Variants in SLC9A9 observed in about 807,000 individuals in gnomAD.
SLC9A9 encodes the protein sodium/hydrogen exchanger 9.
A neutral mutation model predicts 77.8 loss-of-function variants in SLC9A9; 62 were observed. That is an observed-to-expected ratio of 0.80 (90% CI 0.65 to 0.98). The LOEUF (loss-of-function observed/expected upper bound fraction) is 0.98. Among genes scored for constraint, SLC9A9 ranks in the 50% least tolerant of loss-of-function variants. The probability of loss-of-function intolerance (pLI) is 0.00; values close to 1 mark genes in which losing one functional copy is unlikely to be tolerated. For missense variants in SLC9A9, 775 were observed against 774.9 expected (o/e 1.00, Z 0.00); for synonymous variants, 320 against 283.5 (o/e 1.13, Z -1.29).
intron 12 of SLC9A9, among the ~76,000 whole-genome samples, chr3:143,449,629 A>T (rs184764513): frequency 4.7e-5 from 1 of 21,174 alleles, no homozygotes; most frequent in Non-Finnish European, 8.0e-5. Context: ...ATAATTATAT[A>T]AAATATAATT....
intron 1 of SLC9A9, among the ~76,000 whole-genome samples, chr3:143,834,105 A>T (rs2108891003): frequency 6.6e-6 from 1 of 152,328 alleles, no homozygotes; most frequent in East Asian, 1.9e-4. Context: ...ATGAGAATGC[A>T]AGCAGATTTC....
intron 13 of SLC9A9, among the ~76,000 whole-genome samples, chr3:143,380,113 C>T (rs1054997472): frequency 6.6e-6 from 1 of 152,130 alleles, no homozygotes; most frequent in Non-Finnish European, 1.5e-5. Flanking sequence ...GGTGTAAACA[C>T]CTTGCCCAAG....
rs146931759 is a variant in SLC9A9 at position 143,769,425 on chromosome 3, G to A, written c.533+25576C>T. ...AAACAAGCCCATATTGAATTCAATCGCATAACCAGTCCAGTCTATTTAATG... is the reference window on the plus strand; with the variant it reads ...AAACAAGCCCATATTGAATTCAATCACATAACCAGTCCAGTCTATTTAATG... On this transcript the variant is annotated intron_variant, in intron 4 of 15. Transcript: ENST00000316549. Among the ~76,000 whole-genome samples, 739 of 152,120 alleles carry A rather than the reference G, an allele frequency of 4.9e-3. 3 individuals are homozygous for A. The highest frequency in any genetic ancestry group is 7.5e-3 in the Non-Finnish European group (508 of 67,988).
chr3:143,342,849 T>C (rs1427791713), intron 14 of SLC9A9, among the ~76,000 whole-genome samples: 1 of 152,236 alleles, frequency 6.6e-6, no homozygotes, highest in Non-Finnish European at 1.5e-5. Context: ...CATGCAAATA[T>C]ACACGCGCCA....
chr3:143,729,827 A>G (rs1934755823), intron 4 of SLC9A9, among the ~76,000 whole-genome samples: 1 of 152,036 alleles, frequency 6.6e-6, no homozygotes, highest in Non-Finnish European at 1.5e-5. Context: ...CTTTACTGTT[A>G]CTCGTCTTCC....
chr3:143,324,752 G>C (rs1024513682), intron 14 of SLC9A9, among the ~76,000 whole-genome samples: 1 of 152,148 alleles, frequency 6.6e-6, no homozygotes, highest in Non-Finnish European at 1.5e-5. Flanking sequence ...AGCCCAGGAA[G>C]ACAAGGTTGC....
intron 5 of SLC9A9, among the ~76,000 whole-genome samples, chr3:143,690,419 G>A (rs1933425151): frequency 1.3e-5 from 2 of 152,026 alleles, no homozygotes; most frequent in Admixed American, 1.3e-4. Flanking sequence ...CCCAGATTAT[G>A]GTCTCTAACT....
intron 13 of SLC9A9, among the ~76,000 whole-genome samples, chr3:143,374,496 G>A (rs1160241357): frequency 6.7e-6 from 1 of 148,242 alleles, no homozygotes; most frequent in African/African-American, 2.5e-5. Flanking sequence ...TCAAAGCATT[G>A]ACTTTCAAAG....
intron 9 of SLC9A9, among the ~76,000 whole-genome samples, chr3:143,549,727 T>C (rs1284915375): frequency 1.3e-5 from 2 of 152,320 alleles, no homozygotes; most frequent in Non-Finnish European, 2.9e-5. Context: ...GCTGCTGTCA[T>C]GCCATGAGAT....
At chr3:143,395,369 T>A (rs1225355162) in intron 12 of SLC9A9, among the ~76,000 whole-genome samples, 3 of 152,304 alleles carry the variant, frequency 2.0e-5, no homozygotes, top group Admixed American at 6.5e-5. Context: ...ATTTAATAAA[T>A]GGTGCTGGGA....
At chr3:143,267,100 T>C (rs1395495108) in intron 15 of SLC9A9, among the ~76,000 whole-genome samples, 171 bp from the exon 16 acceptor site, 6 of 151,976 alleles carry the variant, frequency 3.9e-5, no homozygotes, top group Non-Finnish European at 5.9e-5. Flanking sequence ...TTTCCCTGAG[T>C]CAGCATTGAA....
intron 4 of SLC9A9, among the ~76,000 whole-genome samples, chr3:143,704,973 G>T (rs79770531): frequency 0.22 from 30,236 of 139,986 alleles, 3,414 homozygotes; most frequent in African/African-American, 0.28. Context: ...GCCTGGGCAA[G>T]AAGAGTGAAA....
intron 4 of SLC9A9, among the ~76,000 whole-genome samples, chr3:143,758,357 T>A (rs2006998944): frequency 6.6e-6 from 1 of 152,204 alleles, no homozygotes; most frequent in Non-Finnish European, 1.5e-5. Flanking sequence ...TCACATGTTA[T>A]AATATTCTTA....
At chr3:143,798,266 TCA>T (rs1450165790) in intron 2 of SLC9A9, among the ~76,000 whole-genome samples, 1 of 152,184 alleles carries the variant, frequency 6.6e-6, no homozygotes, top group Non-Finnish European at 1.5e-5. Flanking sequence ...CCGGCGCCAG[TCA>T]CAGACTCGGG....
intron 6 of SLC9A9, among the ~76,000 whole-genome samples, chr3:143,625,068 G>A (rs985881267): frequency 8.5e-5 from 13 of 152,150 alleles, no homozygotes; most frequent in African/African-American, 2.9e-4. Flanking sequence ...GGATGTGAAG[G>A]ACCTCTTCAA....
chr3:143,634,232 C>G (rs2038476448), intron 6 of SLC9A9, among the ~76,000 whole-genome samples: 1 of 151,870 alleles, frequency 6.6e-6, no homozygotes, highest in Non-Finnish European at 1.5e-5. Context: ...TCTAGTGGGT[C>G]CTTTATGTCT....
chr3:143,449,852 T>C (rs1419119350), intron 12 of SLC9A9, among the ~76,000 whole-genome samples: 1 of 62,544 alleles, frequency 1.6e-5, no homozygotes, highest in East Asian at 5.1e-4. Context: ...TATATATATA[T>C]AATTATATAT....
intron 6 of SLC9A9, among the ~76,000 whole-genome samples, chr3:143,601,673 T>G (rs2037846969): frequency 6.6e-6 from 1 of 152,254 alleles, no homozygotes; most frequent in Admixed American, 6.5e-5. Context: ...AACTCAGCGC[T>G]GCAGATTTCA....
At chr3:143,735,224 A>C (rs1420687497) in intron 4 of SLC9A9, among the ~76,000 whole-genome samples, 1 of 152,254 alleles carries the variant, frequency 6.6e-6, no homozygotes. Context: ...TACCTAAATG[A>C]AAATCTTGCT....
Sources: allele counts gnomAD v4.1 joint callset (sites outside exome capture counted in the v4.1 genomes callset), GRCh38; gene constraint gnomAD v4.1.1; transcripts MANE v1.5; gene names NCBI Gene and HGNC (gene_info 2026-07-23, HGNC 2026-07-21).